Variants in PDGFD observed in about 807,000 individuals in gnomAD.
The protein encoded by PDGFD is platelet derived growth factor D.
Under a neutral mutation model 44.7 loss-of-function variants are expected in PDGFD, and 30 were observed. The observed-to-expected ratio is 0.67, with a 90% CI of 0.50 to 0.91. PDGFD has a LOEUF of 0.91. Among genes scored for constraint, PDGFD ranks in the 40% least tolerant of loss-of-function variants. The pLI, the probability that PDGFD is intolerant of heterozygous loss-of-function variation, is 0.00. For missense variants in PDGFD, 445 were observed against 457.8 expected, an observed-to-expected ratio of 0.97 and a Z score of 0.25; for synonymous variants, 173 against 168.4, an observed-to-expected ratio of 1.03 and a Z score of -0.21.
intron 5 of PDGFD, among the ~76,000 whole-genome samples, chr11:103,932,135 CTTGTT>C (rs1858410102): frequency 6.6e-6 from 1 of 151,926 alleles, no homozygotes; most frequent in African/African-American, 2.4e-5. Flanking sequence ...CTTCATAGAC[CTTGTT>C]TTGTTTTCTT....
chr11:104,036,505 G>A (rs1860235561), intron 1 of PDGFD: 1 of 375,260 alleles, frequency 2.7e-6, no homozygotes. Flanking sequence ...TTGAAGGGCT[G>A]GCCTTGAAAC....
chr11:104,013,349 C>A (rs1047469380), intron 1 of PDGFD, among the ~76,000 whole-genome samples: 1 of 152,118 alleles, frequency 6.6e-6, no homozygotes, highest in Non-Finnish European at 1.5e-5. Flanking sequence ...AGGCTGTCAT[C>A]CTGACTCTCC....
chr11:104,119,123 T>TATATAATATATC (rs1861703917), intron 1 of PDGFD, among the ~76,000 whole-genome samples: 2 of 10,890 alleles, frequency 1.8e-4, no homozygotes, highest in Non-Finnish European at 3.7e-4. Flanking sequence ...TATAATATAT[T>TATATAATATATC]GATATAATAT....
At position 104,081,606 on chromosome 11, in the gene PDGFD, A is replaced by G. The variant is rs143863657; in HGVS notation, c.125-81351T>C. Among the ~76,000 whole-genome samples the G allele has an allele frequency of 2.7e-4, 41 of 152,282 alleles. 1 individual carries two copies. In the East Asian group the frequency reaches 7.3e-3, roughly 27 times the overall value. Reference sequence around the variant, plus strand: ...TATTTATTATAGTAATTTGATATAAACAGTCAAAAACAGTTCAATTCTGCA... The same window carrying G: ...TATTTATTATAGTAATTTGATATAAGCAGTCAAAAACAGTTCAATTCTGCA... On this transcript the variant is annotated intron_variant, in intron 1 of 6. Coordinates refer to ENST00000393158, the MANE Select transcript of PDGFD (RefSeq NM_025208.5).
chr11:104,116,338 G>A (rs554140552), intron 1 of PDGFD, among the ~76,000 whole-genome samples: 1 of 152,052 alleles, frequency 6.6e-6, no homozygotes, highest in Non-Finnish European at 1.5e-5. Context: ...TCAGTTGACT[G>A]TAAGTATTTG....
chr11:104,037,535 T>C (rs1464985482), intron 1 of PDGFD: 4 of 1,613,634 alleles, frequency 2.5e-6, no homozygotes, highest in Non-Finnish European at 3.4e-6. Flanking sequence ...CCCGAGAGTT[T>C]TGGACAAGTG....
At chr11:104,034,645 C>CTT (rs35283366) in intron 1 of PDGFD, among the ~76,000 whole-genome samples, 1 of 143,768 alleles carries the variant, frequency 7.0e-6, no homozygotes, top group Non-Finnish European at 1.5e-5. Flanking sequence ...GTGCAAAACA[C>CTT]TTTTTTTTTT....
At chr11:104,124,145 G>A (rs562058573) in intron 1 of PDGFD, among the ~76,000 whole-genome samples, 2 of 152,118 alleles carry the variant, frequency 1.3e-5, no homozygotes, top group South Asian at 4.2e-4. Context: ...GAGTACAAAT[G>A]AGATCACCCC....
At chr11:104,129,705 C>G (rs187846961) in intron 1 of PDGFD, among the ~76,000 whole-genome samples, 16 of 152,164 alleles carry the variant, frequency 1.1e-4, no homozygotes, top group Admixed American at 2.6e-4. Context: ...AACACGAAGT[C>G]AAGAGTTAAA....
intron 3 of PDGFD, among the ~76,000 whole-genome samples, chr11:103,963,896 A>G (rs1184442785): frequency 6.6e-6 from 1 of 152,124 alleles, no homozygotes; most frequent in Non-Finnish European, 1.5e-5. Context: ...ATATTTCTAC[A>G]TCCCAATTAA....
intron 2 of PDGFD, among the ~76,000 whole-genome samples, chr11:103,999,091 T>C (rs1323028961): frequency 6.6e-6 from 1 of 152,218 alleles, no homozygotes; most frequent in Non-Finnish European, 1.5e-5. Flanking sequence ...CTTTCTGGCA[T>C]ACATTACCCT....
intron 5 of PDGFD, among the ~76,000 whole-genome samples, chr11:103,931,572 T>G (rs1468044810): frequency 6.6e-6 from 1 of 152,096 alleles, no homozygotes; most frequent in African/African-American, 2.4e-5. Flanking sequence ...AGACAGTCAG[T>G]AATCTTTTTC....
At chr11:103,961,391 A>T (rs191125552) in intron 3 of PDGFD, among the ~76,000 whole-genome samples, 1 of 152,300 alleles carries the variant, frequency 6.6e-6, no homozygotes, top group East Asian at 1.9e-4. Context: ...AGAAAGAATG[A>T]TTTAAGTACA....
At chr11:103,965,453 C>T (rs1859003802) in intron 3 of PDGFD, among the ~76,000 whole-genome samples, 1 of 152,152 alleles carries the variant, frequency 6.6e-6, no homozygotes, top group African/African-American at 2.4e-5. Flanking sequence ...TGCCAAAGCT[C>T]TATTTTAAAG....
rs1375193983 is a variant in PDGFD, at chr11:103,926,501, G to A, written c.987+411C>T. Among the ~76,000 whole-genome samples, 2 of 152,030 alleles carry A rather than the reference G, an allele frequency of 1.3e-5. 1 individual carries two copies. Among genetic ancestry groups the A allele is most frequent in the South Asian group, 4.1e-4 (2 of 4,820 alleles). ...ATTTATATTTTGCTATCTTTATTGT[G>A]CCAAATTTATTAAATGATATAATTG... On this transcript the variant is annotated intron_variant, in intron 6 of 6. Transcript: ENST00000393158.
intron 3 of PDGFD, among the ~76,000 whole-genome samples, chr11:103,974,099 G>T (rs1466584633): frequency 6.6e-6 from 1 of 152,080 alleles, no homozygotes. Flanking sequence ...GTCATATCCA[G>T]ACCACTAGAA....
chr11:104,138,360 G>C (rs1401817446), intron 1 of PDGFD, among the ~76,000 whole-genome samples: 1 of 152,140 alleles, frequency 6.6e-6, no homozygotes. Flanking sequence ...CATCACAAAA[G>C]ATTTCACTAT....
At chr11:103,993,046 G>A (rs533636237) in intron 3 of PDGFD, among the ~76,000 whole-genome samples, 2 of 150,988 alleles carry the variant, frequency 1.3e-5, no homozygotes, top group Admixed American at 1.3e-4. Context: ...TTGACTTCTC[G>A]TGTGCTGTTT....
intron 1 of PDGFD, among the ~76,000 whole-genome samples, chr11:104,097,893 G>A (rs1409559150): frequency 6.6e-6 from 1 of 152,012 alleles, no homozygotes; most frequent in African/African-American, 2.4e-5. Context: ...ATTTTTAGTG[G>A]GGTCTAAATT....
Sources: gnomAD v4.1 joint callset for allele counts (sites outside exome capture counted in the v4.1 genomes callset) on GRCh38, gnomAD v4.1.1 for gene constraint, MANE v1.5 for transcripts, NCBI Gene and HGNC (gene_info 2026-07-23, HGNC 2026-07-21) for gene names.